WDR70: variants seen among roughly 807,000 people sequenced by gnomAD.
WDR70 encodes the protein WD repeat domain 70.
A neutral mutation model predicts 88.6 loss-of-function variants in WDR70; 53 were observed. The observed-to-expected ratio is 0.60, with a 90% CI of 0.48 to 0.75. The LOEUF is 0.75. WDR70 is among the 30% of genes least tolerant of loss of function. The probability of loss-of-function intolerance (pLI) is 0.00; values close to 1 mark genes in which losing one functional copy is unlikely to be tolerated. For synonymous variants in WDR70, 280 were observed against 270.0 expected (o/e 1.04, Z -0.36); for missense variants, 610 against 823.2 (o/e 0.74, Z 3.17).
At chr5:37,421,310 C>T (rs138602600) in intron 5 of WDR70, among the ~76,000 whole-genome samples, 9 of 152,160 alleles carry the variant, frequency 5.9e-5, no homozygotes, top group African/African-American at 2.2e-4. Flanking sequence ...AAACTGTGAA[C>T]AGTCTTTGGT....
intron 15 of WDR70, 27 bp from the exon 16 acceptor site, chr5:37,724,907 A>C: frequency 1.2e-6 from 2 of 1,600,486 alleles, no homozygotes; most frequent in Non-Finnish European, 8.6e-7. Context: ...TGTTATAATG[A>C]AATTTTTCAA....
chr5:37,430,039 AGTGTACAG>A (rs761706985), intron 5 of WDR70, among the ~76,000 whole-genome samples: 63 of 152,310 alleles, frequency 4.1e-4, no homozygotes, highest in Admixed American at 1.8e-3. Flanking sequence ...CATAGTGTTA[AGTGTACAG>A]GTCTTGCACA....
intron 10 of WDR70, among the ~76,000 whole-genome samples, chr5:37,669,409 A>AAC (rs1355249445): frequency 9.2e-5 from 14 of 151,942 alleles, no homozygotes; most frequent in East Asian, 5.8e-4. Flanking sequence ...TTAAAAAAAA[A>AAC]AAAACATTTT....
At chr5:37,413,999 G>A (rs1286947306) in intron 5 of WDR70, among the ~76,000 whole-genome samples, 2 of 151,322 alleles carry the variant, frequency 1.3e-5, no homozygotes, top group Non-Finnish European at 2.9e-5. Flanking sequence ...TACAAAATTA[G>A]CCAGGCGTGG....
chr5:37,480,024 A>G (rs1000003541), intron 8 of WDR70, 37 bp downstream of exon 8: 1 of 1,579,688 alleles, frequency 6.3e-7, no homozygotes, highest in Non-Finnish European at 8.6e-7. Context: ...GAATTAATTC[A>G]GCACACATTT....
At chr5:37,742,251 T>C (rs2973071) in intron 17 of WDR70, among the ~76,000 whole-genome samples, 5,101 of 149,880 alleles carry the variant, frequency 0.034, 308 homozygotes, top group African/African-American at 0.12. Context: ...CCAATACTTG[T>C]TATTATCTGT....
intron 5 of WDR70, among the ~76,000 whole-genome samples, chr5:37,413,499 G>T (rs1749589938): frequency 6.6e-6 from 1 of 152,060 alleles, no homozygotes; most frequent in South Asian, 2.1e-4. Flanking sequence ...GAGGTGGGCA[G>T]ATCATGAGGT....
chr5:37,421,090 T>G (rs572866140), intron 5 of WDR70, among the ~76,000 whole-genome samples: 3 of 152,314 alleles, frequency 2.0e-5, no homozygotes, highest in Admixed American at 6.5e-5. Flanking sequence ...CCATCCCCTT[T>G]CGACAGGTGA....
At chr5:37,607,437 C>T (rs1197984386) in intron 10 of WDR70, among the ~76,000 whole-genome samples, 1 of 151,962 alleles carries the variant, frequency 6.6e-6, no homozygotes, top group African/African-American at 2.4e-5. Flanking sequence ...CCATTTAATC[C>T]TAGAATTTTC....
In WDR70 at chr5:37,499,587, T is replaced by TTCTCTCTCTCTCTCTCTC. The variant is rs72226896; in HGVS notation, c.841-16902_841-16885dup. 8.6e-4 allele frequency among the ~76,000 whole-genome samples: 36 copies of TTCTCTCTCTCTCTCTCTC among 41,842 alleles called. 1 individual carries two copies. Among genetic ancestry groups the TTCTCTCTCTCTCTCTCTC allele is most frequent in the African/African-American group, 2.0e-3 (34 of 16,996 alleles). The allele number at this position is 41,842 out of a possible 152,430, so 27.4% of individuals were successfully genotyped here. On this transcript the variant is annotated intron_variant, in intron 8 of 17. Coordinates refer to ENST00000265107, the MANE Select transcript of WDR70 (RefSeq NM_018034.4). The stretch of plus-strand genomic sequence containing the variant: ...TTTTTAAATATGTGATTTGGAAATA[T>TTCTCTCTCTCTCTCTCTC]TCTCTCTCTCTCTCTCTCTCTCTCT...
chr5:37,676,498 G>A (rs1190174292), intron 10 of WDR70, among the ~76,000 whole-genome samples: 2 of 151,992 alleles, frequency 1.3e-5, no homozygotes, highest in Admixed American at 1.3e-4. Context: ...TAATCATGTG[G>A]TTTTTGTCTT....
At chr5:37,602,983 A>T (rs972879194) in intron 9 of WDR70, among the ~76,000 whole-genome samples, 1 of 152,166 alleles carries the variant, frequency 6.6e-6, no homozygotes, top group Non-Finnish European at 1.5e-5. Flanking sequence ...TTAAAAAAAA[A>T]TAAAAAAAAT....
At chr5:37,510,792 G>A (rs556769961) in intron 8 of WDR70, among the ~76,000 whole-genome samples, 16 of 152,116 alleles carry the variant, frequency 1.1e-4, no homozygotes, top group Non-Finnish European at 1.6e-4. Flanking sequence ...GCATTATTTC[G>A]TCTTTATTTT....
At chr5:37,701,383 T>C (rs546663984) in intron 12 of WDR70, among the ~76,000 whole-genome samples, 9 of 152,366 alleles carry the variant, frequency 5.9e-5, no homozygotes, top group Admixed American at 5.2e-4. Flanking sequence ...GTGTGTATTG[T>C]ATGCACGCAC....
intron 10 of WDR70, chr5:37,687,835 G>A (rs1341959749): frequency 1.9e-5 from 11 of 568,914 alleles, no homozygotes; most frequent in Non-Finnish European, 3.0e-5. Flanking sequence ...CCCACTCAGG[G>A]TAGTGAAAAG....
At chr5:37,594,499 C>G (rs1374250512) in intron 9 of WDR70, among the ~76,000 whole-genome samples, 1 of 152,126 alleles carries the variant, frequency 6.6e-6, no homozygotes, top group Non-Finnish European at 1.5e-5. Flanking sequence ...TTCCATTGGT[C>G]TATATCTCTG....
At chr5:37,563,513 G>A (rs1351532118) in intron 9 of WDR70, among the ~76,000 whole-genome samples, 1 of 56,780 alleles carries the variant, frequency 1.8e-5, no homozygotes, top group Non-Finnish European at 4.3e-5. Flanking sequence ...CCGGGCAGAG[G>A]CGCCCCTCAC....
At chr5:37,506,831 T>C in intron 8 of WDR70, 1 of 1,296,816 alleles carries the variant, frequency 7.7e-7, no homozygotes, top group Non-Finnish European at 1.1e-6. Context: ...TGGGGGCTGC[T>C]GTTCAGGAAC....
At chr5:37,407,208 A>G (rs1749379362) in intron 5 of WDR70, among the ~76,000 whole-genome samples, 1 of 152,090 alleles carries the variant, frequency 6.6e-6, no homozygotes, top group Admixed American at 6.6e-5. Context: ...AGAATAGTAT[A>G]AAGCTTTTCA....
Sources: gnomAD v4.1 joint callset for allele counts (sites outside exome capture counted in the v4.1 genomes callset) on GRCh38, gnomAD v4.1.1 for gene constraint, MANE v1.5 for transcripts, NCBI Gene and HGNC (gene_info 2026-07-23, HGNC 2026-07-21) for gene names.